The following ACAN variants were observed in gnomAD, a reference collection of about 807,000 sequenced individuals.
The protein encoded by ACAN is aggrecan core protein.
In ACAN, 47 loss-of-function variants were observed where a neutral mutation model predicts 169.1. That is an observed-to-expected ratio of 0.28 (90% confidence interval 0.22 to 0.35). The LOEUF (loss-of-function observed/expected upper bound fraction) is 0.35. Ranked by LOEUF, ACAN falls within the 10% of genes least tolerant of loss-of-function variation. The pLI is 1.00. For synonymous variants in ACAN, 1,115 were observed against 1,112.2 expected, an observed-to-expected ratio of 1.00 and a Z score of -0.05; for missense variants, 2,716 against 2,759.9, an observed-to-expected ratio of 0.98 and a Z score of 0.36.
At chr15:88,862,803 G>C (rs754935424) in intron 13 of ACAN, among the ~76,000 whole-genome samples, 17 of 152,122 alleles carry the variant, frequency 1.1e-4, no homozygotes, top group Non-Finnish European at 1.3e-4. Context: ...TTCGAAACCA[G>C]CCTAATCAAT....
At chr15:88,864,330 C>T (rs1897248782) in intron 13 of ACAN, among the ~76,000 whole-genome samples, 1 of 151,174 alleles carries the variant, frequency 6.6e-6, no homozygotes, top group African/African-American at 2.4e-5. Flanking sequence ...TGCAGTGGCA[C>T]AATCTCCCCT....
intron 1 of ACAN, among the ~76,000 whole-genome samples, chr15:88,808,702 C>T (rs994068461): frequency 6.6e-6 from 1 of 152,156 alleles, no homozygotes; most frequent in Non-Finnish European, 1.5e-5. Context: ...GCACAGCCCC[C>T]GCCCACATAC....
At chr15:88,810,632 G>A (rs570029522) in intron 1 of ACAN, among the ~76,000 whole-genome samples, 11 of 152,324 alleles carry the variant, frequency 7.2e-5, no homozygotes, top group Non-Finnish European at 1.6e-4. Context: ...AGGCAGGAAT[G>A]TAGTAAATGT....
At chr15:88,841,897 C>T (rs762557936) in intron 5 of ACAN, 30 bp downstream of exon 5, 5 of 1,611,974 alleles carry the variant, frequency 3.1e-6, no homozygotes, top group African/African-American at 1.3e-5. Flanking sequence ...AGGAGGCACC[C>T]AGCTCCCTTC....
In ACAN at chr15:88,839,091, G is replaced by A; in HGVS notation, c.454+45G>A. On this transcript the variant is annotated intron_variant, in intron 3 of 18. Transcript: ENST00000560601. This position sits in a 1 kb window ranked among gnomAD's most constrained non-coding sequence, Gnocchi z 4.5. ...ACAGACGCTGCTTCACCCACATAAA[G>A]AACCAGAGCAGTCTCCGCAGTGCAG... 1 of 1,588,788 alleles carries A rather than the reference G, an allele frequency of 6.3e-7. No individual in the cohort carries two copies. Among genetic ancestry groups the A allele is most frequent in the Non-Finnish European group, 8.5e-7 (1 of 1,174,182 alleles).
rs747270649 is a variant in ACAN at position 88,870,590 on chromosome 15, C to T, written c.7061-792C>T. 6.6e-6 allele frequency among the ~76,000 whole-genome samples: 1 copy of T among 152,178 alleles called. No individual in the cohort carries two copies. Among genetic ancestry groups the T allele is most frequent in the African/African-American group, 2.4e-5 (1 of 41,450 alleles). ...TGAGCTCTCTCAAAGCTGAGTGAGC[C>T]AGCTCAGCATGGCTCCGCCTGTCCC... On this transcript the variant is annotated intron_variant, in intron 14 of 18. Transcript: ENST00000560601. The surrounding 1 kb of genome is among the most constrained non-coding windows in gnomAD (Gnocchi z 6.3).
Position 88,851,230 on chromosome 15 carries a change from T to A in ACAN, c.2027-564T>A, listed in dbSNP as rs1269545486. 6.4e-6 allele frequency: 1 copy of A among 156,366 alleles called. No individual in the cohort carries two copies. Among genetic ancestry groups the A allele is most frequent in the Non-Finnish European group, 1.4e-5 (1 of 70,956 alleles). 9.7% of individuals were successfully genotyped at this position (156,366 alleles called of 1,614,324 possible). A position where few individuals can be genotyped will look rare whatever the true frequency, so the allele number is the denominator to read the frequency against. On this transcript the variant is annotated intron_variant, in intron 10 of 18. Transcript: ENST00000560601. This position sits in a 1 kb window ranked among gnomAD's most constrained non-coding sequence, Gnocchi z 4.3. ...CACCAGTACAGTTACCCCCAGCCCATGAATCCTGCCTTCACGCTTTCAAAT... is the reference window on the plus strand; with the variant it reads ...CACCAGTACAGTTACCCCCAGCCCAAGAATCCTGCCTTCACGCTTTCAAAT...
intron 1 of ACAN, among the ~76,000 whole-genome samples, chr15:88,833,006 C>G (rs1266622065): frequency 6.6e-6 from 1 of 152,208 alleles, no homozygotes; most frequent in Non-Finnish European, 1.5e-5. Flanking sequence ...GATTATTAAG[C>G]AGTAGGCGTC....
intron 1 of ACAN, among the ~76,000 whole-genome samples, chr15:88,834,239 G>T (rs1567172732): frequency 6.6e-6 from 1 of 152,156 alleles, no homozygotes; most frequent in East Asian, 1.9e-4. Context: ...ATGCATTCAC[G>T]CCATACCCCC....
chr15:88,825,766 G>A (rs543530208), intron 1 of ACAN, among the ~76,000 whole-genome samples: 6 of 142,302 alleles, frequency 4.2e-5, no homozygotes, highest in South Asian at 2.1e-4. Context: ...TGTACTACAC[G>A]TCCTAAACCC....
In ACAN at chr15:88,872,752, C is replaced by T. The variant is rs1029132291; in HGVS notation, c.7303-129C>T. On this transcript the variant is annotated intron_variant, in intron 16 of 18. Coordinates refer to ENST00000560601, the MANE Select transcript of ACAN (RefSeq NM_001369268.1). This position sits in a 1 kb window ranked among gnomAD's most constrained non-coding sequence, Gnocchi z 5.4. The stretch of plus-strand genomic sequence containing the variant: ...TTCCCAGCAGTTTTTGTGCTGCTAT[C>T]AGATGAGCCTGAAGTTGGTGCTAAA... The T allele has an allele frequency of 5.1e-6, 6 of 1,188,006 alleles. No homozygotes were observed. Among genetic ancestry groups the T allele is most frequent in the African/African-American group, 1.5e-5 (1 of 65,008 alleles). The allele number at this position is 1,188,006 out of a possible 1,614,324, so 73.6% of individuals were successfully genotyped here.
intron 1 of ACAN, among the ~76,000 whole-genome samples, chr15:88,816,409 T>A (rs1895943363): frequency 6.6e-6 from 1 of 152,210 alleles, no homozygotes; most frequent in African/African-American, 2.4e-5. Context: ...CTCCCATCGG[T>A]CAGTGCTTTT....
chr15:88,867,644 C>T (rs781158308), intron 13 of ACAN, among the ~76,000 whole-genome samples: 4 of 152,178 alleles, frequency 2.6e-5, no homozygotes, highest in Middle Eastern at 3.2e-3. Flanking sequence ...ATGGGTCTCA[C>T]GCAAACATCC....
intron 1 of ACAN, among the ~76,000 whole-genome samples, chr15:88,828,263 C>A (rs760478881): frequency 6.6e-6 from 1 of 152,084 alleles, no homozygotes. Context: ...AAGGACAGGG[C>A]CAGACCCTAG....
chr15:88,853,067 G>C lies in ACAN; in HGVS notation c.2266+1034G>C, dbSNP rs376409685. Among the ~76,000 whole-genome samples the C allele has an allele frequency of 2.2e-4, 33 of 152,268 alleles. No homozygotes were observed. In the East Asian group the frequency reaches 5.6e-3, roughly 26 times the overall value. On this transcript the variant is annotated intron_variant, in intron 11 of 18. Transcript: ENST00000560601. ...GTAGAGCAGGGGAGAGTCTGACCTAGCAGCCTCACCCAGCAGCCACACCTG... is the reference window on the plus strand; with the variant it reads ...GTAGAGCAGGGGAGAGTCTGACCTACCAGCCTCACCCAGCAGCCACACCTG...
At chr15:88,836,345 T>A in intron 2 of ACAN, 69 bp downstream of exon 2, 1 of 1,326,466 alleles carries the variant, frequency 7.5e-7, no homozygotes. Flanking sequence ...TACTGGGTAC[T>A]GAACCTGGTG....
intron 1 of ACAN, among the ~76,000 whole-genome samples, chr15:88,832,365 T>A (rs1218831181): frequency 1.3e-5 from 2 of 149,882 alleles, no homozygotes; most frequent in African/African-American, 4.9e-5. Context: ...ATCCCAGCAC[T>A]TTGGGAGGCC....
In ACAN at chr15:88,838,594, G is replaced by A. The variant is rs1324122015; in HGVS notation, c.71-69G>A. ...AGGAGAGTGCATTGCTGGAAGGATGGATGGGGAGGCGGGGTGGTCCTCTCT... is the reference window on the plus strand; with the variant it reads ...AGGAGAGTGCATTGCTGGAAGGATGAATGGGGAGGCGGGGTGGTCCTCTCT... On this transcript the variant is annotated intron_variant, in intron 2 of 18. Coordinates refer to ENST00000560601, the MANE Select transcript of ACAN (RefSeq NM_001369268.1). This position sits in a 1 kb window ranked among gnomAD's most constrained non-coding sequence, Gnocchi z 5.1. 1 of 1,506,082 alleles carries A rather than the reference G, an allele frequency of 6.6e-7. No homozygotes were observed. The highest frequency in any genetic ancestry group is 8.9e-7 in the Non-Finnish European group (1 of 1,118,614). The allele number at this position is 1,506,082 out of a possible 1,614,324, so 93.3% of individuals were successfully genotyped here.
rs755822949 is a variant in ACAN at position 88,859,197 on chromosome 15, T to C, written c.6612T>C (p.Gly2204=). The change falls in exon 12 of 19, where the codon GGT becomes GGC. Residue 2204 remains glycine, a synonymous_variant. Coordinates refer to ENST00000560601, the MANE Select transcript of ACAN (RefSeq NM_001369268.1). ...CTGAAATCAGCGGAGACCTGTCTGG[T>C]CACACCTCGCAGCTGGGCGTTGTCA... ...DRTEISGDLS[G]HTSQLGVVIS... The C allele has an allele frequency of 8.1e-6, 13 of 1,613,842 alleles. No individual in the cohort carries two copies. In the South Asian group the frequency reaches 1.4e-4, roughly 18 times the overall value.
Sources: gnomAD v4.1 joint callset for allele counts (sites outside exome capture counted in the v4.1 genomes callset) on GRCh38, gnomAD v4.1.1 for gene constraint, Gnocchi (gnomAD v3.1) non-coding constraint, MANE v1.5 for transcripts, NCBI Gene and HGNC (gene_info 2026-07-23, HGNC 2026-07-21) for gene names.